Variants in CDC27 observed in about 807,000 individuals in gnomAD.
The protein encoded by CDC27 is cell division cycle 27, also known as cell division cycle protein 27 homolog.
A neutral mutation model predicts 109.7 loss-of-function variants in CDC27; 27 were observed. The ratio of observed to expected loss-of-function variants is 0.25; its 90% CI spans 0.18 to 0.34. The LOEUF (loss-of-function observed/expected upper bound fraction) is 0.34. CDC27 is among the 10% of genes least tolerant of loss of function. The probability of loss-of-function intolerance (pLI) is 1.00; values close to 1 mark genes in which losing one functional copy is unlikely to be tolerated. For synonymous variants in CDC27, 266 were observed against 333.9 expected (o/e 0.80, Z 2.22); for missense variants, 579 against 960.2 (o/e 0.60, Z 5.25).
At chr17:47,146,908 A>G (rs891269924) in intron 9 of CDC27, among the ~76,000 whole-genome samples, 2 of 150,900 alleles carry the variant, frequency 1.3e-5, no homozygotes, top group African/African-American at 4.9e-5. Flanking sequence ...CTGCAAAACT[A>G]AAAAAAAATT....
In CDC27 at chr17:47,118,332, C is replaced by G. The variant is rs927113247; in HGVS notation, c.*2603G>C. 2 of 152,472 alleles carry G rather than the reference C, an allele frequency of 1.3e-5. No individual in the cohort carries two copies. The highest frequency in any genetic ancestry group is 4.8e-5 in the African/African-American group (2 of 41,418). The allele number at this position is 152,472 out of a possible 1,614,324, so 9.4% of individuals were successfully genotyped here. ...AATTAAAAATTTTAAGTGATGAATA[C>G]AGAAAATGTAGGGACCACCTTTCAT... On this transcript the variant is annotated 3_prime_UTR_variant, in exon 19 of 19. Transcript: ENST00000066544.
At chr17:47,143,669 GA>G (rs903879674) in intron 10 of CDC27, among the ~76,000 whole-genome samples, 79 of 151,556 alleles carry the variant, frequency 5.2e-4, no homozygotes, top group Non-Finnish European at 8.0e-4. Context: ...TTTAACTTGA[GA>G]AAAAAAATTT....
In CDC27 at chr17:47,142,549, A is replaced by T. The variant is rs1598449648; in HGVS notation, c.1171-113T>A. 11 of 512,462 alleles carry T rather than the reference A, an allele frequency of 2.1e-5. No homozygotes were observed. The East Asian group carries it at 3.1e-4, about 14-fold the overall frequency. 31.7% of individuals were successfully genotyped at this position (512,462 alleles called of 1,614,324 possible). On this transcript the variant is annotated intron_variant, in intron 10 of 18. Transcript: ENST00000066544. Reference sequence around the variant, plus strand: ...AATGTACAATCTTGATTAATTCTATATTTTTTTCAGAAGAGAGTTTATAAA... The same window carrying T: ...AATGTACAATCTTGATTAATTCTATTTTTTTTTCAGAAGAGAGTTTATAAA...
chr17:47,128,568 T>C (rs1164571321), intron 16 of CDC27, among the ~76,000 whole-genome samples: 1 of 152,108 alleles, frequency 6.6e-6, no homozygotes, highest in African/African-American at 2.4e-5. Flanking sequence ...TTTCCCTTTA[T>C]GTATTAAACA....
intron 1 of CDC27, 77 bp downstream of exon 1, chr17:47,189,069 G>A: frequency 6.5e-7 from 1 of 1,545,702 alleles, no homozygotes; most frequent in Non-Finnish European, 8.9e-7. Context: ...GGCCGCACCA[G>A]GCCGCGGAGT....
At chr17:47,153,295 T>C (rs908654507) in intron 8 of CDC27, among the ~76,000 whole-genome samples, 4 of 152,240 alleles carry the variant, frequency 2.6e-5, no homozygotes, top group Non-Finnish European at 5.9e-5. Context: ...ACTAAAATCA[T>C]GTGCCTGCCC....
intron 2 of CDC27, among the ~76,000 whole-genome samples, chr17:47,179,922 C>T (rs543144307): frequency 1.3e-5 from 2 of 152,264 alleles, no homozygotes; most frequent in African/African-American, 4.8e-5. Context: ...AAACTAGAAA[C>T]TGCCTATTCT....
chr17:47,176,159 T>C (rs2063997822), intron 2 of CDC27, among the ~76,000 whole-genome samples: 1 of 152,200 alleles, frequency 6.6e-6, no homozygotes, highest in Admixed American at 6.5e-5. Flanking sequence ...AATACCTGAA[T>C]AGATATTTGA....
chr17:47,129,582 C>T, intron 15 of CDC27, 61 bp from the exon 16 acceptor site: 2 of 1,223,224 alleles, frequency 1.6e-6, no homozygotes, highest in Admixed American at 2.2e-5. Flanking sequence ...AAGGTGAGAA[C>T]CAACGTGACT....
chr17:47,160,987 T>G (rs891390708), intron 4 of CDC27: 1 of 151,994 alleles, frequency 6.6e-6, no homozygotes, highest in Non-Finnish European at 1.5e-5. Flanking sequence ...AGAAGTAGGA[T>G]GCAGACTTTT....
Position 47,125,409 on chromosome 17 carries a change from G to A in CDC27, c.2161-1449C>T, listed in dbSNP as rs772896202. 4.4e-4 allele frequency among the ~76,000 whole-genome samples: 67 copies of A among 151,422 alleles called. 1 individual carries two copies. The highest frequency in any genetic ancestry group is 1.9e-3 in the South Asian group (9 of 4,800). ...TTACAGGCGTGTGCCACCATGCCTG[G>A]CTAATTTTTGTATTTTTAGTAGACA... On this transcript the variant is annotated intron_variant, in intron 16 of 18. Transcript: ENST00000066544.
chr17:47,175,088 AG>A (rs2063954501), intron 2 of CDC27, among the ~76,000 whole-genome samples: 1 of 107,316 alleles, frequency 9.3e-6, no homozygotes, highest in Non-Finnish European at 1.9e-5. Flanking sequence ...GAAGGAAGGA[AG>A]GAAGGAAGTA....
chr17:47,188,950 T>C, intron 1 of CDC27, 196 bp downstream of exon 1: 1 of 1,438,648 alleles, frequency 7.0e-7, no homozygotes, highest in Non-Finnish European at 9.1e-7. Context: ...AAGGGTGAAG[T>C]AATGTAGGGC....
intron 1 of CDC27, among the ~76,000 whole-genome samples, chr17:47,187,847 A>T (rs1426071179): frequency 2.3e-4 from 1 of 4,358 alleles, no homozygotes; most frequent in Non-Finnish European, 4.1e-4. Flanking sequence ...ATCTACAGCC[A>T]GAATAAAAAA....
chr17:47,124,256 C>CATCTCTCTATCTATCTATCT (rs1555780288), intron 16 of CDC27, among the ~76,000 whole-genome samples: 1 of 148,166 alleles, frequency 6.7e-6, no homozygotes, highest in Non-Finnish European at 1.5e-5. Flanking sequence ...TGCTTTTGGT[C>CATCTCTCTATCTATCTATCT]ATCTATCTAT....
intron 8 of CDC27, 36 bp from the exon 9 acceptor site, chr17:47,151,954 T>C (rs758458254): frequency 3.8e-6 from 6 of 1,562,206 alleles, no homozygotes; most frequent in South Asian, 1.2e-5. Flanking sequence ...TTGTGAATTA[T>C]GGGCTGCACT....
chr17:47,157,167 T>C (rs2063336891), intron 6 of CDC27, 43 bp from the exon 7 acceptor site: 1 of 1,543,916 alleles, frequency 6.5e-7, no homozygotes, highest in Non-Finnish European at 8.9e-7. Flanking sequence ...AATATATTAT[T>C]TAGTTCAGAT....
intron 9 of CDC27, among the ~76,000 whole-genome samples, chr17:47,148,100 A>G (rs1336579240): frequency 4.0e-5 from 6 of 151,466 alleles, no homozygotes; most frequent in Admixed American, 6.6e-5. Context: ...CAGGAGGCTG[A>G]GGCAGGAGAA....
intron 3 of CDC27, chr17:47,170,981 G>A (rs539940160): frequency 2.6e-5 from 4 of 152,242 alleles, no homozygotes; most frequent in Admixed American, 1.3e-4. Flanking sequence ...CGTGTCTGCA[G>A]CTCCAGCTAC....
Sources: gnomAD v4.1 joint callset for allele counts (sites outside exome capture counted in the v4.1 genomes callset) on GRCh38, gnomAD v4.1.1 for gene constraint, MANE v1.5 for transcripts, NCBI Gene and HGNC (gene_info 2026-07-23, HGNC 2026-07-21) for gene names.